The following RHPN2 variants were observed in gnomAD, a reference collection of about 807,000 sequenced individuals.
The protein encoded by RHPN2 is rhophilin Rho GTPase binding protein 2, also known as rhophilin-2.
A neutral mutation model predicts 79.0 loss-of-function variants in RHPN2; 40 were observed. The ratio of observed to expected loss-of-function variants is 0.51; its 90% confidence interval spans 0.39 to 0.66. The LOEUF (loss-of-function observed/expected upper bound fraction) is 0.66, where lower values mean the gene tolerates loss of function less well. Ranked by LOEUF, RHPN2 falls within the 30% of genes least tolerant of loss-of-function variation. RHPN2 has a pLI of 0.00. For synonymous variants in RHPN2, 285 were observed against 363.5 expected, an observed-to-expected ratio of 0.78 and a Z score of 2.46; for missense variants, 686 against 883.5, an observed-to-expected ratio of 0.78 and a Z score of 2.83.
At chr19:33,063,651 A>G (rs938601847) in intron 1 of RHPN2, among the ~76,000 whole-genome samples, 1 of 152,132 alleles carries the variant, frequency 6.6e-6, no homozygotes, top group African/African-American at 2.4e-5. Flanking sequence ...CCCGGCTCCA[A>G]AGCATCTTTG....
intron 1 of RHPN2, among the ~76,000 whole-genome samples, chr19:33,057,316 C>T (rs1568328232): frequency 6.6e-6 from 1 of 151,866 alleles, no homozygotes; most frequent in Admixed American, 6.6e-5. Flanking sequence ...GCACTCCAGC[C>T]TGGATGACAC....
chr19:33,025,897 A>G (rs1289490204), intron 3 of RHPN2, among the ~76,000 whole-genome samples: 1 of 152,144 alleles, frequency 6.6e-6, no homozygotes, highest in African/African-American at 2.4e-5. Flanking sequence ...CTGAAAATTA[A>G]CTATAAAATC....
intron 3 of RHPN2, 52 bp from the exon 4 acceptor site, chr19:33,021,698 G>A (rs779122057): frequency 2.1e-6 from 3 of 1,417,384 alleles, no homozygotes; most frequent in African/African-American, 1.5e-5. Flanking sequence ...GGACCCCTGT[G>A]CACCCCACGG....
Position 33,036,671 on chromosome 19 carries a change from C to T in RHPN2, c.185+7578G>A, listed in dbSNP as rs910953505. The stretch of plus-strand genomic sequence containing the variant: ...CGCGGGCGGGAACCAGGGCTGCCCG[C>T]GGTGCTTGCGGGCTAGCGCGAGTTC... On this transcript the variant is annotated intron_variant, in intron 2 of 14. Transcript: ENST00000254260. 6.6e-5 allele frequency among the ~76,000 whole-genome samples: 10 copies of T among 152,300 alleles called. No homozygotes were observed. In the East Asian group the frequency reaches 1.2e-3, roughly 18 times the overall value.
intron 2 of RHPN2, among the ~76,000 whole-genome samples, chr19:33,036,275 G>T (rs983122971): frequency 1.3e-5 from 2 of 151,724 alleles, no homozygotes; most frequent in Non-Finnish European, 2.9e-5. Flanking sequence ...GAGGCAGGAG[G>T]ATTACTTGAG....
In RHPN2 at chr19:33,011,700, T is replaced by C; in HGVS notation, c.572A>G (p.Gln191Arg). Residue 191 changes from glutamine to arginine, a missense_variant, in exon 6 of 15, where the codon CAG becomes CGG. Physicochemically the swap from Gln to Arg is conservative, Grantham distance 43. Coordinates refer to ENST00000254260, the MANE Select transcript of RHPN2 (RefSeq NM_033103.5). ...VESRFFPPTRQMGLLFTWYDS... is the reference protein window; with the variant it reads ...VESRFFPPTRRMGLLFTWYDS... ...CTACCAGGTGAACAGGAGTCCCATC[T>C]GCCGTGTGGGCGGGAAGAATCGACT... 2 of 1,613,974 alleles carry C rather than the reference T, an allele frequency of 1.2e-6. No individual in the cohort carries two copies. The highest frequency in any genetic ancestry group is 4.5e-5 in the East Asian group (2 of 44,876).
chr19:33,035,476 A>C (rs115565172), intron 2 of RHPN2, among the ~76,000 whole-genome samples: 1 of 152,192 alleles, frequency 6.6e-6, no homozygotes, highest in South Asian at 2.1e-4. Context: ...TAGGTTGGTC[A>C]CTTTGAAACT....
chr19:33,008,417 C>CT (rs879839119), intron 6 of RHPN2, among the ~76,000 whole-genome samples: 42 of 145,798 alleles, frequency 2.9e-4, no homozygotes, highest in Non-Finnish European at 5.6e-4. Context: ...CCATACCTGC[C>CT]TTTTTTTTTT....
chr19:33,022,808 GCTGAACCTGGCT>G (rs1478673491), intron 3 of RHPN2, among the ~76,000 whole-genome samples: 4 of 152,194 alleles, frequency 2.6e-5, no homozygotes, highest in Admixed American at 2.6e-4. Context: ...GCAGCTGTAA[GCTGAACCTGGCT>G]CTGCAGTGCA....
In RHPN2 at chr19:33,060,692, C is replaced by G. The variant is rs529243288; in HGVS notation, c.69+4092G>C. On this transcript the variant is annotated intron_variant, in intron 1 of 14. Transcript: ENST00000254260. The stretch of plus-strand genomic sequence containing the variant: ...GGATTACAGGAACACAACACTATGC[C>G]AGGCTGATTTTTAAACTTCTTATAG... 5.9e-5 allele frequency among the ~76,000 whole-genome samples: 9 copies of G among 152,230 alleles called. No homozygotes were observed. In the South Asian group the frequency reaches 1.9e-3, roughly 32 times the overall value.
chr19:33,035,051 T>TCTG (rs1189333936), intron 2 of RHPN2, among the ~76,000 whole-genome samples: 6 of 152,056 alleles, frequency 3.9e-5, no homozygotes, highest in Non-Finnish European at 8.8e-5. Flanking sequence ...CACTGCAACC[T>TCTG]CCACCTTCAG....
chr19:33,049,451 C>A (rs116034598), intron 1 of RHPN2, among the ~76,000 whole-genome samples: 1 of 152,194 alleles, frequency 6.6e-6, no homozygotes, highest in Non-Finnish European at 1.5e-5. Context: ...CAAAGCCGCT[C>A]TGAGACTGGA....
chr19:33,019,860 G>GCAAA (rs1971909118), intron 4 of RHPN2, among the ~76,000 whole-genome samples: 1 of 152,066 alleles, frequency 6.6e-6, no homozygotes, highest in Non-Finnish European at 1.5e-5. Context: ...CAATGCCTGG[G>GCAAA]CTGCATGGCG....
At position 32,979,327 on chromosome 19, in the gene RHPN2, C is replaced by T. The variant is rs1308384718; in HGVS notation, c.*669G>A. 1 of 152,662 alleles carries T rather than the reference C, an allele frequency of 6.6e-6. No individual in the cohort carries two copies. Among genetic ancestry groups the T allele is most frequent in the African/African-American group, 2.4e-5 (1 of 41,426 alleles). 9.5% of individuals were successfully genotyped at this position (152,662 alleles called of 1,614,324 possible). ...AGTATATTATCTACCTTGTAGACAG[C>T]ATCTTCATCTAACACTGCCACTGTG... On this transcript the variant is annotated 3_prime_UTR_variant, in exon 15 of 15. Transcript: ENST00000254260.
At chr19:33,045,766 G>A (rs1057413634) in intron 1 of RHPN2, among the ~76,000 whole-genome samples, 19 of 152,038 alleles carry the variant, frequency 1.2e-4, no homozygotes, top group African/African-American at 4.1e-4. Flanking sequence ...GAGCCACCAC[G>A]CCCATCAACC....
At chr19:33,033,208 ACTACTCC>A (rs1228792233) in intron 2 of RHPN2, among the ~76,000 whole-genome samples, 1 of 152,150 alleles carries the variant, frequency 6.6e-6, no homozygotes, top group African/African-American at 2.4e-5. Flanking sequence ...CAGAGTGAAG[ACTACTCC>A]CTCTAGGCAG....
chr19:32,998,700 A>AGG (rs1276579594), intron 10 of RHPN2, among the ~76,000 whole-genome samples: 2 of 51,458 alleles, frequency 3.9e-5, no homozygotes, highest in Non-Finnish European at 3.5e-5. Flanking sequence ...GTAGATGGGG[A>AGG]GGAGAGAGAG....
Position 33,002,859 on chromosome 19 carries a change from C to T in RHPN2, c.902G>A (p.Arg301Gln), listed in dbSNP as rs757081366. ...CTTCACCAGCATGAAGAATTCATTC[C>T]GGATCCCAGGAAGGCTGATTTTCTC... ...VFEKISLPGI[R>Q]NEFFMLVKVA... Residue 301 changes from arginine to glutamine, a missense_variant, in exon 8 of 15, where the codon CGG (arginine) becomes CAG (glutamine). Arg to Gln is a conservative substitution (Grantham distance 43). Coordinates refer to ENST00000254260, the MANE Select transcript of RHPN2 (RefSeq NM_033103.5). The T allele has an allele frequency of 3.7e-6, 6 of 1,613,888 alleles. No individual in the cohort carries two copies. The highest frequency in any genetic ancestry group is 4.2e-6 in the Non-Finnish European group (5 of 1,179,852).
At chr19:33,016,291 A>T (rs1971877030) in intron 4 of RHPN2, among the ~76,000 whole-genome samples, 1 of 151,970 alleles carries the variant, frequency 6.6e-6, no homozygotes, top group South Asian at 2.1e-4. Context: ...AGCTGACTGC[A>T]GCCTCGACCT....
Sources: gnomAD v4.1 joint callset for allele counts (sites outside exome capture counted in the v4.1 genomes callset) on GRCh38, gnomAD v4.1.1 for gene constraint, MANE v1.5 for transcripts, NCBI Gene and HGNC (gene_info 2026-07-23, HGNC 2026-07-21) for gene names.